DUOXA1: variants seen among roughly 807,000 people sequenced by gnomAD.
The protein encoded by DUOXA1 is dual oxidase maturation factor 1, also known as dual oxidase activator 1.
DUOXA1 carries 19 observed loss-of-function variants against 26.6 expected under a neutral mutation model. That is an observed-to-expected ratio of 0.71 (90% CI 0.50 to 1.05). The LOEUF is 1.05. Among genes scored for constraint, DUOXA1 ranks in the 50% least tolerant of loss-of-function variants. The probability of loss-of-function intolerance (pLI) is 0.00; values close to 1 mark genes in which losing one functional copy is unlikely to be tolerated. For missense variants in DUOXA1, 403 were observed against 427.5 expected (o/e 0.94, Z 0.51); for synonymous variants, 166 against 177.0 (o/e 0.94, Z 0.49).
At position 45,120,579 on chromosome 15, in the gene DUOXA1, T is replaced by G; in HGVS notation, c.554+13A>C. The G allele has an allele frequency of 6.2e-7, 1 of 1,613,804 alleles. No individual in the cohort carries two copies. The highest frequency in any genetic ancestry group is 8.5e-7 in the Non-Finnish European group (1 of 1,179,744). Reference sequence around the variant, plus strand: ...CTACCAGGGCCTCCACCCCGTCTCCTTCCCATCCTCACCATAGCATGGCTG... The same window carrying G: ...CTACCAGGGCCTCCACCCCGTCTCCGTCCCATCCTCACCATAGCATGGCTG... On this transcript the variant is annotated intron_variant, in intron 7 of 8. Transcript: ENST00000560572.
chr15:45,117,589 G>T lies in DUOXA1; in HGVS notation c.*1517C>A. 4.3e-6 allele frequency: 7 copies of T among 1,611,206 alleles called. No individual in the cohort carries two copies. The highest frequency in any genetic ancestry group is 5.9e-6 in the Non-Finnish European group (7 of 1,178,578). ...AGATGGAAGAAGGCCCGGGCATCACGCCTGTAATCCCAGCACTTTGGGAGG... is the reference window on the plus strand; with the variant it reads ...AGATGGAAGAAGGCCCGGGCATCACTCCTGTAATCCCAGCACTTTGGGAGG... On this transcript the variant is annotated 3_prime_UTR_variant, in exon 9 of 9. Transcript: ENST00000560572.
At chr15:45,121,519 CA>C (rs562267365) in intron 5 of DUOXA1, among the ~76,000 whole-genome samples, 45 of 152,324 alleles carry the variant, frequency 3.0e-4, no homozygotes, top group African/African-American at 1.0e-3. Flanking sequence ...ATAGCTTCAA[CA>C]AAAACTTTCT....
At chr15:45,121,737 G>A (rs959592015) in intron 5 of DUOXA1, among the ~76,000 whole-genome samples, 5 of 152,132 alleles carry the variant, frequency 3.3e-5, no homozygotes, top group South Asian at 2.1e-4. Context: ...GGCTGATCTC[G>A]AACTCCTGAT....
intron 3 of DUOXA1, among the ~76,000 whole-genome samples, chr15:45,125,124 TG>T (rs1437206277): frequency 6.6e-6 from 1 of 152,208 alleles, no homozygotes; most frequent in Non-Finnish European, 1.5e-5. Flanking sequence ...TCCTGTATTT[TG>T]GGCAAGTCAC....
In DUOXA1 at chr15:45,117,624, G is replaced by A. The variant is rs948159448; in HGVS notation, c.*1482C>T. On this transcript the variant is annotated 3_prime_UTR_variant, in exon 9 of 9. Transcript: ENST00000560572. ...CCAGCACTTTGGGAGGTCGAGGCAG[G>A]AAGGTCGTTTGAGGCCAGAGTTCGA... 3.1e-6 allele frequency: 5 copies of A among 1,613,708 alleles called. No individual in the cohort carries two copies. The highest frequency in any genetic ancestry group is 4.2e-6 in the Non-Finnish European group (5 of 1,179,876).
At chr15:45,122,468 C>T (rs574247154) in intron 4 of DUOXA1, among the ~76,000 whole-genome samples, 3 of 152,138 alleles carry the variant, frequency 2.0e-5, no homozygotes, top group South Asian at 4.2e-4. Context: ...GGCAGTGATG[C>T]GATCTTATAT....
chr15:45,121,046 C>T (rs1382929509), intron 6 of DUOXA1, 41 bp downstream of exon 6: 2 of 1,612,460 alleles, frequency 1.2e-6, no homozygotes, highest in Admixed American at 3.3e-5. Flanking sequence ...CCAAAGATGG[C>T]AGAGCCTTCC....
chr15:45,120,953 TG>T, intron 6 of DUOXA1, 133 bp downstream of exon 6: 1 of 1,515,158 alleles, frequency 6.6e-7, no homozygotes, highest in Non-Finnish European at 9.0e-7. Context: ...CTTCCTACCA[TG>T]CCTCTGACCT....
In DUOXA1 at chr15:45,118,082, C is replaced by CT; in HGVS notation, c.*1023dup. ...CTCCTGGGGCGATCTGTAAATAAAC[C>CT]TTTTTTTCTTTTGTTTTTTAAAAAC... On this transcript the variant is annotated 3_prime_UTR_variant, in exon 9 of 9. Transcript: ENST00000560572. 1 of 1,522,376 alleles carries CT rather than the reference C, an allele frequency of 6.6e-7. No individual in the cohort carries two copies. The highest frequency in any genetic ancestry group is 8.8e-7 in the Non-Finnish European group (1 of 1,137,342). 94.3% of individuals were successfully genotyped at this position (1,522,376 alleles called of 1,614,324 possible).
At position 45,122,216 on chromosome 15, in the gene DUOXA1, C is replaced by T. The variant is rs145883946; in HGVS notation, c.174G>A (p.Val58=). 2 of 1,605,546 alleles carry T rather than the reference C, an allele frequency of 1.2e-6. No individual in the cohort carries two copies. The highest frequency in any genetic ancestry group is 1.3e-5 in the African/African-American group (1 of 74,972). ...KTRLFWLLRV[V]TSLFIGAAIL... Reference sequence around the variant, plus strand: ...TTGCAGCCCCGATGAATAAGCTGGTCACCACCCGAAGCAGCCAGAACAGCC... The same window carrying T: ...TTGCAGCCCCGATGAATAAGCTGGTTACCACCCGAAGCAGCCAGAACAGCC... The change falls in exon 5 of 9, where the codon GTG becomes GTA. Residue 58 remains valine (V), a synonymous_variant. Transcript: ENST00000560572.
intron 8 of DUOXA1, 146 bp downstream of exon 8, chr15:45,119,957 A>C: frequency 7.3e-6 from 6 of 820,926 alleles, no homozygotes; most frequent in East Asian, 2.6e-5. Flanking sequence ...TCAGGAGATA[A>C]GAGATACAAG....
rs1566987610 is a variant in DUOXA1, at chr15:45,119,105, G to C, written c.*1C>G. 6.3e-7 allele frequency: 1 copy of C among 1,576,514 alleles called. No homozygotes were observed. Among genetic ancestry groups the C allele is most frequent in the Non-Finnish European group, 8.7e-7 (1 of 1,153,264 alleles). On this transcript the variant is annotated 3_prime_UTR_variant, in exon 9 of 9. Transcript: ENST00000560572. ...CCAGGTGGCCTCCACGGGGAGGAAT[G>C]TTATAAAGCACAATCAGGATCTTTG...
chr15:45,120,384 G>T, intron 7 of DUOXA1, 64 bp from the exon 8 acceptor site: 1 of 1,596,414 alleles, frequency 6.3e-7, no homozygotes, highest in Non-Finnish European at 8.6e-7. Context: ...AATTTGGATG[G>T]GCCCAGGCGG....
At chr15:45,119,400 G>A (rs1566988547) in intron 8 of DUOXA1, 35 bp from the exon 9 acceptor site, 1 of 1,572,638 alleles carries the variant, frequency 6.4e-7, no homozygotes, top group African/African-American at 1.3e-5. Flanking sequence ...CCACCTTAGT[G>A]CTAGTAACAC....
In DUOXA1 at chr15:45,120,157, C is replaced by T. The variant is rs567061569; in HGVS notation, c.718G>A (p.Ala240Thr). 1.7e-5 allele frequency: 27 copies of T among 1,613,952 alleles called. No individual in the cohort carries two copies. The highest frequency in any genetic ancestry group is 3.3e-5 in the Admixed American group (2 of 60,022). The change falls in exon 8 of 9, where the codon GCT (alanine) becomes ACT (threonine). Residue 240 changes from alanine (A) to threonine (T), a missense_variant. Ala to Thr is a moderately conservative substitution (Grantham distance 58). Coordinates refer to ENST00000560572, the MANE Select transcript of DUOXA1 (RefSeq NM_001276266.2). The part of the protein sequence containing the change: ...LTSPCPLHLG[A>T]SVLHTHHGPA... ...CCATGGTGAGTATGCAGCACAGAAG[C>T]GCCCAGGTGCAGGGGACAGGGTGAG... is the stretch of plus-strand genomic sequence containing the variant.
In DUOXA1 at chr15:45,117,644, G is replaced by A. The variant is rs146544840; in HGVS notation, c.*1462C>T. Reference sequence around the variant, plus strand: ...GGCAGGAAGGTCGTTTGAGGCCAGAGTTCGAGACCAGCCTGGGCAACATAG... The same window carrying A: ...GGCAGGAAGGTCGTTTGAGGCCAGAATTCGAGACCAGCCTGGGCAACATAG... On this transcript the variant is annotated 3_prime_UTR_variant, in exon 9 of 9. Transcript: ENST00000560572. 4.6e-5 allele frequency: 75 copies of A among 1,613,678 alleles called. No homozygotes were observed. In the East Asian group the frequency reaches 9.1e-4, roughly 20 times the overall value.
chr15:45,117,433 A>T lies in DUOXA1; in HGVS notation c.*1673T>A. ...ATTTGCCCCTCTCAATAGTTCGCAGAAACAGGCACTGTTATGACCATTTTA... is the reference window on the plus strand; with the variant it reads ...ATTTGCCCCTCTCAATAGTTCGCAGTAACAGGCACTGTTATGACCATTTTA... On this transcript the variant is annotated 3_prime_UTR_variant, in exon 9 of 9. Coordinates refer to ENST00000560572, the MANE Select transcript of DUOXA1 (RefSeq NM_001276266.2). The T allele has an allele frequency of 6.5e-7, 1 of 1,527,146 alleles. No homozygotes were observed. Among genetic ancestry groups the T allele is most frequent in the Non-Finnish European group, 8.8e-7 (1 of 1,132,816 alleles). The allele number at this position is 1,527,146 out of a possible 1,614,324, so 94.6% of individuals were successfully genotyped here.
Position 45,118,058 on chromosome 15 carries a change from T to A in DUOXA1, c.*1048A>T. 1 of 1,559,582 alleles carries A rather than the reference T, an allele frequency of 6.4e-7. No homozygotes were observed. Among genetic ancestry groups the A allele is most frequent in the African/African-American group, 1.4e-5 (1 of 72,504 alleles). On this transcript the variant is annotated 3_prime_UTR_variant, in exon 9 of 9. Coordinates refer to ENST00000560572, the MANE Select transcript of DUOXA1 (RefSeq NM_001276266.2). ...ACATCCGCAGGCACCAGGGAAAGTC[T>A]CCTGGGGCGATCTGTAAATAAACCT...
chr15:45,124,810 G>A (rs1895539460), intron 3 of DUOXA1, among the ~76,000 whole-genome samples: 1 of 152,118 alleles, frequency 6.6e-6, no homozygotes, highest in African/African-American at 2.4e-5. Flanking sequence ...ACCGTGCCCG[G>A]CCTCTCCAAT....
Sources: gnomAD v4.1 joint callset for allele counts (sites outside exome capture counted in the v4.1 genomes callset) on GRCh38, gnomAD v4.1.1 for gene constraint, MANE v1.5 for transcripts, NCBI Gene and HGNC (gene_info 2026-07-23, HGNC 2026-07-21) for gene names.